The following CMBL variants were observed in gnomAD, a reference collection of about 807,000 sequenced individuals.
CMBL encodes the protein carboxymethylenebutenolidase homolog (Pseudomonas).
In CMBL, 17 loss-of-function variants were observed where a neutral mutation model predicts 28.7. The ratio of observed to expected loss-of-function variants is 0.59; its 90% confidence interval spans 0.41 to 0.89. CMBL has a LOEUF of 0.89. Ranked by LOEUF, CMBL falls within the 40% of genes least tolerant of loss-of-function variation. The pLI, the probability that CMBL is intolerant of heterozygous loss-of-function variation, is 0.00. For synonymous variants in CMBL, 106 were observed against 101.6 expected, an observed-to-expected ratio of 1.04 and a Z score of -0.26; for missense variants, 310 against 298.5, an observed-to-expected ratio of 1.04 and a Z score of -0.28.
rs923766025 is a variant in CMBL at position 10,288,646 on chromosome 5, T to C, written c.216-117A>G. 1.5e-5 allele frequency: 12 copies of C among 802,160 alleles called. No homozygotes were observed. The South Asian group carries it at 1.8e-4, about 12-fold the overall frequency. 49.7% of individuals were successfully genotyped at this position (802,160 alleles called of 1,614,324 possible). A position where few individuals can be genotyped will look rare whatever the true frequency, so the allele number is the denominator to read the frequency against. ...ATTCTGGCTCAGAGAAAAGGAAAAG[T>C]AGTGGGTGTGAAGGCCAATTTTGAT... On this transcript the variant is annotated intron_variant, in intron 2 of 5. Transcript: ENST00000296658.
Position 10,283,314 on chromosome 5 carries a change from G to T in CMBL, c.467-1026C>A, listed in dbSNP as rs1247676826. Among the ~76,000 whole-genome samples, 9 of 152,188 alleles carry T rather than the reference G, an allele frequency of 5.9e-5. No individual in the cohort carries two copies. The East Asian group carries it at 1.7e-3, about 29-fold the overall frequency. On this transcript the variant is annotated intron_variant, in intron 4 of 5. Coordinates refer to ENST00000296658, the MANE Select transcript of CMBL (RefSeq NM_138809.4). ...GAGGATCAATGTCAAACCTTCGCTT[G>T]AGAAGTTTCTCAGGTCTACACAAGT...
intron 1 of CMBL, among the ~76,000 whole-genome samples, chr5:10,304,841 T>A (rs1746968925): frequency 6.6e-6 from 1 of 151,932 alleles, no homozygotes. Context: ...GGGATAGAAT[T>A]TACAGATCTA....
intron 1 of CMBL, among the ~76,000 whole-genome samples, chr5:10,299,627 C>T (rs1746861095): frequency 1.3e-5 from 2 of 151,790 alleles, no homozygotes; most frequent in African/African-American, 4.8e-5. Context: ...ATCATTTGAG[C>T]CCAGGAGTTC....
intron 1 of CMBL, among the ~76,000 whole-genome samples, chr5:10,303,977 C>T (rs1214509606): frequency 6.6e-6 from 1 of 152,144 alleles, no homozygotes; most frequent in Non-Finnish European, 1.5e-5. Flanking sequence ...AAAAATACCA[C>T]CCTTGGATCA....
rs182757363 is a variant in CMBL, at chr5:10,295,327, C to A, written c.-19-4546G>T. Among the ~76,000 whole-genome samples, 309 of 152,226 alleles carry A rather than the reference C, an allele frequency of 2.0e-3. 1 individual carries two copies. The highest frequency in any genetic ancestry group is 6.9e-3 in the African/African-American group (287 of 41,532). On this transcript the variant is annotated intron_variant, in intron 1 of 5. Transcript: ENST00000296658. ...TCAAACTCCTGACCTCGGGTGATCC[C>A]GCCCACCTTGGCCTCCCAAAGTGCT...
chr5:10,294,547 CAG>C, intron 1 of CMBL, among the ~76,000 whole-genome samples: 1 of 149,432 alleles, frequency 6.7e-6, no homozygotes, highest in South Asian at 2.1e-4. Context: ...CTGGATGACA[CAG>C]AGAGATCCTG....
At chr5:10,306,292 A>C (rs1177214170) in intron 1 of CMBL, among the ~76,000 whole-genome samples, 1 of 152,166 alleles carries the variant, frequency 6.6e-6, no homozygotes, top group Non-Finnish European at 1.5e-5. Flanking sequence ...GGACTGGTGC[A>C]GTTGGGATTA....
intron 1 of CMBL, among the ~76,000 whole-genome samples, chr5:10,297,049 G>A (rs1275920508): frequency 6.6e-6 from 1 of 152,182 alleles, no homozygotes; most frequent in African/African-American, 2.4e-5. Flanking sequence ...GCCAGGCGTG[G>A]TGGCACATGC....
At position 10,280,285 on chromosome 5, in the gene CMBL, A is replaced by G. The variant is rs1308541620; in HGVS notation, c.*168T>C. 3.8e-6 allele frequency: 2 copies of G among 519,984 alleles called. No individual in the cohort carries two copies. Among genetic ancestry groups the G allele is most frequent in the Admixed American group, 6.8e-5 (2 of 29,336 alleles). The allele number at this position is 519,984 out of a possible 1,614,324, so 32.2% of individuals were successfully genotyped here. A position where few individuals can be genotyped will look rare whatever the true frequency, so the allele number is the denominator to read the frequency against. On this transcript the variant is annotated 3_prime_UTR_variant, in exon 6 of 6. Coordinates refer to ENST00000296658, the MANE Select transcript of CMBL (RefSeq NM_138809.4). ...ATTCGATGTACATGTCAAAAATTAA[A>G]TTATTTCATGCATTACGTCCTACTG...
chr5:10,297,292 G>A (rs933555186), intron 1 of CMBL, among the ~76,000 whole-genome samples: 5 of 151,910 alleles, frequency 3.3e-5, no homozygotes, highest in African/African-American at 4.8e-5. Context: ...CAAAGAGGCC[G>A]GGCGTGGTGG....
chr5:10,297,291 C>T (rs900694284), intron 1 of CMBL, among the ~76,000 whole-genome samples: 7 of 150,212 alleles, frequency 4.7e-5, no homozygotes, highest in African/African-American at 1.7e-4. Context: ...GCAAAGAGGC[C>T]GGGCGTGGTG....
At chr5:10,303,735 T>C (rs1017680106) in intron 1 of CMBL, among the ~76,000 whole-genome samples, 1 of 152,108 alleles carries the variant, frequency 6.6e-6, no homozygotes, top group South Asian at 2.1e-4. Context: ...ATCACACACC[T>C]CTCATTATCC....
intron 3 of CMBL, among the ~76,000 whole-genome samples, chr5:10,287,884 G>GGATT (rs1746633994): frequency 6.6e-6 from 1 of 151,102 alleles, no homozygotes; most frequent in African/African-American, 2.4e-5. Flanking sequence ...CTAAGTTTTT[G>GGATT]GTTTGTTTGT....
chr5:10,286,040 GATC>G (rs1746599000), intron 4 of CMBL: 1 of 237,464 alleles, frequency 4.2e-6, no homozygotes, highest in Non-Finnish European at 8.0e-6. Context: ...GTGTGATATT[GATC>G]ATCATTACAT....
Position 10,286,401 on chromosome 5 carries a change from T to C in CMBL, c.419A>G (p.His140Arg). Residue 140 changes from histidine to arginine, a missense_variant, in exon 4 of 6, where the codon CAT becomes CGT. Transcript: ENST00000296658. ...GAATTCTGAGTATTTCATCATCAAA[T>C]GATGGACAGCAGTTCCACCCCAGCA... The part of the protein sequence containing the change: ...GFCWGGTAVH[H>R]LMMKYSEFRA... 6.2e-7 allele frequency: 1 copy of C among 1,614,156 alleles called. No homozygotes were observed. Among genetic ancestry groups the C allele is most frequent in the Non-Finnish European group, 8.5e-7 (1 of 1,180,012 alleles).
chr5:10,280,411 T>C lies in CMBL; in HGVS notation c.*42A>G, dbSNP rs369632245. 6.8e-7 allele frequency: 1 copy of C among 1,461,480 alleles called. No individual in the cohort carries two copies. Among genetic ancestry groups the C allele is most frequent in the Non-Finnish European group, 9.2e-7 (1 of 1,082,524 alleles). 90.5% of individuals were successfully genotyped at this position (1,461,480 alleles called of 1,614,324 possible). A position where few individuals can be genotyped will look rare whatever the true frequency, so the allele number is the denominator to read the frequency against. The stretch of plus-strand genomic sequence containing the variant: ...GATCTAACTATTTCCAAGCAAATTT[T>C]GGGATGAAAGCTATTCTAGGAAGGC... On this transcript the variant is annotated 3_prime_UTR_variant, in exon 6 of 6. Coordinates refer to ENST00000296658, the MANE Select transcript of CMBL (RefSeq NM_138809.4).
At chr5:10,285,698 T>TTG (rs1746587681) in intron 4 of CMBL, among the ~76,000 whole-genome samples, 1 of 65,740 alleles carries the variant, frequency 1.5e-5, no homozygotes, top group African/African-American at 3.7e-5. Flanking sequence ...CTCTTTCTTT[T>TTG]TCTTTTTTTT....
intron 1 of CMBL, among the ~76,000 whole-genome samples, chr5:10,303,686 T>C (rs962229956): frequency 6.6e-6 from 1 of 152,170 alleles, no homozygotes; most frequent in Non-Finnish European, 1.5e-5. Flanking sequence ...AACTGAGTTA[T>C]TGGCCATACA....
intron 1 of CMBL, among the ~76,000 whole-genome samples, chr5:10,293,430 G>T (rs1746759773): frequency 1.3e-5 from 2 of 152,078 alleles, no homozygotes; most frequent in Admixed American, 1.3e-4. Flanking sequence ...TGGCTCTCTG[G>T]GGTCTCCATT....
Sources: allele counts gnomAD v4.1 joint callset (sites outside exome capture counted in the v4.1 genomes callset), GRCh38; gene constraint gnomAD v4.1.1; transcripts MANE v1.5; gene names NCBI Gene and HGNC (gene_info 2026-07-23, HGNC 2026-07-21).